The following ZFP36L1 variants were observed in gnomAD, a reference collection of about 807,000 sequenced individuals.
ZFP36L1 encodes the protein mRNA decay activator protein ZFP36L1.
In ZFP36L1, 4 loss-of-function variants were observed where a neutral mutation model predicts 16.7. That is an observed-to-expected ratio of 0.24 (90% CI 0.12 to 0.55). ZFP36L1 has a LOEUF of 0.55. ZFP36L1 is among the 20% of genes least tolerant of loss of function. The pLI is 0.94. For missense variants in ZFP36L1, 311 were observed against 449.2 expected, an observed-to-expected ratio of 0.69 and a Z score of 2.78; for synonymous variants, 220 against 190.8, an observed-to-expected ratio of 1.15 and a Z score of -1.26.
In ZFP36L1 at chr14:68,790,420, G is replaced by T; in HGVS notation, c.130C>A (p.Pro44Thr). Residue 44 changes from proline (P) to threonine (T), a missense_variant, in exon 2 of 2, where the codon CCT (proline) becomes ACT (threonine). Transcript: ENST00000439696. ...CLLDRKAVGT[P>T]AGGGFPRRHS... ...CTCCGAGGGAAGCCCCCACCAGCAG[G>T]GGTGCCCACTGCCTTTCTGTCCAGC... The T allele has an allele frequency of 6.2e-7, 1 of 1,613,976 alleles. No homozygotes were observed. The highest frequency in any genetic ancestry group is 8.5e-7 in the Non-Finnish European group (1 of 1,179,960).
chr14:68,792,095 C>G (rs1342194798), intron 1 of ZFP36L1, among the ~76,000 whole-genome samples: 1 of 152,178 alleles, frequency 6.6e-6, no homozygotes, highest in Admixed American at 6.5e-5. Flanking sequence ...TTTTTCAACA[C>G]TGGCTGACAA....
At chr14:68,792,821 G>T in intron 1 of ZFP36L1, 61 bp downstream of exon 1, 5 of 1,609,876 alleles carry the variant, frequency 3.1e-6, no homozygotes, top group Admixed American at 3.3e-5. Context: ...ACTTTTGGGG[G>T]TTCTTTCTTA....
upstream of ZFP36L1, chr14:68,796,118 T>G: frequency 7.3e-7 from 1 of 1,364,970 alleles, no homozygotes; most frequent in Non-Finnish European, 9.8e-7. Flanking sequence ...CCGGCTCCTC[T>G]GTCCCAGGCC....
At chr14:68,790,521 G>A in intron 1 of ZFP36L1, 29 bp from the exon 2 acceptor site, 2 of 1,611,420 alleles carry the variant, frequency 1.2e-6, no homozygotes, top group Middle Eastern at 1.7e-4. Context: ...GGATGGTAAG[G>A]ACAGAGGACA....
At position 68,790,431 on chromosome 14, in the gene ZFP36L1, G is replaced by A; in HGVS notation, c.119C>T (p.Ala40Val). 1 of 1,614,084 alleles carries A rather than the reference G, an allele frequency of 6.2e-7. No individual in the cohort carries two copies. The highest frequency in any genetic ancestry group is 1.1e-5 in the South Asian group (1 of 91,076). Residue 40 changes from alanine (A) to valine (V), a missense_variant, in exon 2 of 2, where the codon GCA becomes GTA. Transcript: ENST00000439696. The part of the protein sequence containing the change: ...SAGGCLLDRK[A>V]VGTPAGGGFP... The stretch of plus-strand genomic sequence containing the variant: ...GCCCCCACCAGCAGGGGTGCCCACT[G>A]CCTTTCTGTCCAGCAGGCAACCCCC...
At chr14:68,793,471 C>G (rs17106298), upstream of ZFP36L1, 5 of 988,598 alleles carry the variant, frequency 5.1e-6, no homozygotes, top group Middle Eastern at 2.1e-3. Flanking sequence ...TGACGTCACT[C>G]ATTCCACTCC....
chr14:68,793,458 C>G, upstream of ZFP36L1: 1 of 991,178 alleles, frequency 1.0e-6, no homozygotes, highest in Non-Finnish European at 1.2e-6. Flanking sequence ...CAGAGCGCGG[C>G]TGTGACGTCA....
upstream of ZFP36L1, chr14:68,793,885 A>C (rs1594719364): frequency 3.1e-6 from 3 of 969,642 alleles, no homozygotes; most frequent in African/African-American, 5.7e-5. Context: ...ACGCGTCGAC[A>C]CTCGCGCTCG....
chr14:68,789,623 G>T lies in ZFP36L1; in HGVS notation c.927C>A (p.Ser309=). 1.2e-6 allele frequency: 2 copies of T among 1,613,652 alleles called. No individual in the cohort carries two copies. Among genetic ancestry groups the T allele is most frequent in the Non-Finnish European group, 8.5e-7 (1 of 1,179,760 alleles). The change falls in exon 2 of 2, where the codon TCC becomes TCA. Residue 309 remains serine (S), a synonymous_variant. Transcript: ENST00000439696. This position sits in a 1 kb window ranked among gnomAD's most constrained non-coding sequence, Gnocchi z 4.5. ...LSDQEGYLSS[S]SSSHSGSDSP... ...AGTCTGAGCCACTGTGGCTGCTGCT[G>T]GAGCTGCTCAGGTAGCCCTCCTGGT...
rs1177714032 is a variant in ZFP36L1, at chr14:68,790,295, G to A, written c.255C>T (p.Arg85=). 3.7e-6 allele frequency: 6 copies of A among 1,609,958 alleles called. No individual in the cohort carries two copies. The highest frequency in any genetic ancestry group is 3.3e-5 in the Admixed American group (2 of 59,984). ...CTTCCGAGAAGGAGCGGTCTCGGAA[G>A]CGGCTGTCTCGCGAGCTCAGAGCGG... is the stretch of plus-strand genomic sequence containing the variant. ...PAPALSSRDS[R]FRDRSFSEGG... is the part of the protein sequence containing the mutation. The change falls in exon 2 of 2, where the codon CGC becomes CGT. Residue 85 remains arginine (R), a synonymous_variant. Coordinates refer to ENST00000439696, the MANE Select transcript of ZFP36L1 (RefSeq NM_004926.4).
In ZFP36L1 at chr14:68,792,920, A is replaced by C. The variant is rs1256250949; in HGVS notation, c.19T>G (p.Ser7Ala). The change falls in exon 1 of 2, where the codon TCT becomes GCT. Residue 7 changes from serine (S) to alanine (A), a missense_variant. Coordinates refer to ENST00000439696, the MANE Select transcript of ZFP36L1 (RefSeq NM_004926.4). ...TCGCTCAAGTCGAAGATGGTGGCAG[A>C]CACGAGGGTGGTGGTCATCCTGTGC... MTTTLVSATIFDLSEVL... is the reference protein window; with the variant it reads MTTTLVAATIFDLSEVL... 1 of 1,613,940 alleles carries C rather than the reference A, an allele frequency of 6.2e-7. No individual in the cohort carries two copies. Among genetic ancestry groups the C allele is most frequent in the Admixed American group, 1.7e-5 (1 of 60,008 alleles).
rs769986349 is a variant in ZFP36L1, at chr14:68,792,852, T to C, written c.57+30A>G. 6.2e-6 allele frequency: 10 copies of C among 1,613,714 alleles called. 1 individual carries two copies. The Admixed American group carries it at 1.3e-4, about 22-fold the overall frequency. On this transcript the variant is annotated intron_variant, in intron 1 of 1. Transcript: ENST00000439696. ...TCTTAAGGCAAAAGAAAAAGACTTT[T>C]TGAAAAGCAAATGCTCCGCCCCCCT...
Position 68,790,452 on chromosome 14 carries a change from C to G in ZFP36L1, c.98G>C (p.Gly33Ala). Reference sequence around the variant, plus strand: ...CACTGCCTTTCTGTCCAGCAGGCAACCCCCTGCACTGGGAGCACTATAGTT... The same window carrying G: ...CACTGCCTTTCTGTCCAGCAGGCAAGCCCCTGCACTGGGAGCACTATAGTT... ...MLNYSAPSAG[G>A]CLLDRKAVGT... Residue 33 changes from glycine (G) to alanine (A), a missense_variant, in exon 2 of 2, where the codon GGT becomes GCT. By Grantham distance (60) the Gly-to-Ala change is moderately conservative (BLOSUM62 0). Transcript: ENST00000439696. 6.2e-7 allele frequency: 1 copy of G among 1,614,080 alleles called. No individual in the cohort carries two copies. The highest frequency in any genetic ancestry group is 8.5e-7 in the Non-Finnish European group (1 of 1,179,988).
upstream of ZFP36L1, among the ~76,000 whole-genome samples, chr14:68,795,074 ATT>A (rs1309092946): frequency 6.6e-6 from 1 of 152,092 alleles, no homozygotes; most frequent in Non-Finnish European, 1.5e-5. Flanking sequence ...ATCCACCTTA[ATT>A]TAAATCATTC....
At chr14:68,795,856 C>T, upstream of ZFP36L1, 2 of 570,360 alleles carry the variant, frequency 3.5e-6, no homozygotes, top group South Asian at 1.4e-5. Context: ...CTTAACCCTT[C>T]GCTGACCCGG....
At chr14:68,790,951 C>T (rs753041788) in intron 1 of ZFP36L1, 1 of 657,384 alleles carries the variant, frequency 1.5e-6, no homozygotes, top group South Asian at 1.6e-5. Flanking sequence ...TCCAATCAGT[C>T]TCTGCTTAAT....
In ZFP36L1 at chr14:68,789,911, G is replaced by A. The variant is rs898495175; in HGVS notation, c.639C>T (p.Thr213=). The change falls in exon 2 of 2, where the codon ACC becomes ACT. Residue 213 remains threonine (T), a synonymous_variant. Transcript: ENST00000439696. The surrounding 1 kb of genome is among the most constrained non-coding windows in gnomAD (Gnocchi z 4.5). ...TGTCCAGCAGCCCGGTGGCAGCGGC[G>A]GTGGCAGCGGCACTGGGAAACCCAG... The part of the protein sequence containing the change: ...SFAGFPSAAA[T]AAATGLLDSP... The A allele has an allele frequency of 5.6e-6, 9 of 1,609,588 alleles. No homozygotes were observed. Among genetic ancestry groups the A allele is most frequent in the Non-Finnish European group, 7.6e-6 (9 of 1,179,554 alleles).
upstream of ZFP36L1, chr14:68,796,216 G>A: frequency 7.3e-7 from 1 of 1,366,790 alleles, no homozygotes; most frequent in Non-Finnish European, 9.8e-7. Flanking sequence ...GTGGTGGTGG[G>A]GTGGGATGTT....
upstream of ZFP36L1, chr14:68,796,127 C>G: frequency 7.3e-7 from 1 of 1,365,632 alleles, no homozygotes; most frequent in Non-Finnish European, 9.8e-7. Context: ...CTGTCCCAGG[C>G]CCGACTTCCG....
Sources: gnomAD v4.1 joint callset for allele counts (sites outside exome capture counted in the v4.1 genomes callset) on GRCh38, gnomAD v4.1.1 for gene constraint, Gnocchi (gnomAD v3.1) non-coding constraint, MANE v1.5 for transcripts, NCBI Gene and HGNC (gene_info 2026-07-23, HGNC 2026-07-21) for gene names.